TENM2: variants seen among roughly 807,000 people sequenced by gnomAD.
The protein encoded by TENM2 is teneurin-2.
In TENM2, 52 loss-of-function variants were observed where a neutral mutation model predicts 245.2. The observed-to-expected ratio is 0.21, with a 90% CI of 0.17 to 0.27. The LOEUF (loss-of-function observed/expected upper bound fraction) is 0.27, where lower values mean the gene tolerates loss of function less well. Ranked by LOEUF, TENM2 falls within the 10% of genes least tolerant of loss-of-function variation. The pLI, the probability that TENM2 is intolerant of heterozygous loss-of-function variation, is 1.00. For synonymous variants in TENM2, 1,363 were observed against 1,438.9 expected (o/e 0.95, Z 1.19); for missense variants, 3,046 against 3,666.8 (o/e 0.83, Z 4.37).
At chr5:167,069,700 A>G in the TENM2 span, among the ~76,000 whole-genome samples, 1 of 152,230 alleles carries the variant, frequency 6.6e-6, no homozygotes, top group Non-Finnish European at 1.5e-5. Context: ...AAGTGTAAGC[A>G]GTGGTTATCA....
intron 3 of TENM2, among the ~76,000 whole-genome samples, chr5:167,906,877 T>C (rs2151548924): frequency 6.6e-6 from 1 of 152,250 alleles, no homozygotes; most frequent in Non-Finnish European, 1.5e-5. Flanking sequence ...TTTTGAGACC[T>C]GACATAGAAT....
At chr5:168,025,185 G>A (rs559266785) in intron 5 of TENM2, among the ~76,000 whole-genome samples, 7 of 152,290 alleles carry the variant, frequency 4.6e-5, no homozygotes, top group Admixed American at 3.3e-4. Context: ...AAATGTATTG[G>A]GAGGTTCTGT....
At chr5:168,118,958 A>G (rs1165889608) in intron 10 of TENM2, among the ~76,000 whole-genome samples, 1 of 152,198 alleles carries the variant, frequency 6.6e-6, no homozygotes. Flanking sequence ...CCTCCCTTCC[A>G]AACAAAAAGC....
the TENM2 span, among the ~76,000 whole-genome samples, chr5:167,055,518 A>T: frequency 6.6e-6 from 1 of 152,122 alleles, no homozygotes; most frequent in Admixed American, 6.5e-5. Flanking sequence ...TTTTGACAAG[A>T]TTGAGTTTTC....
chr5:167,250,631 C>T, the TENM2 span, among the ~76,000 whole-genome samples: 1 of 152,244 alleles, frequency 6.6e-6, no homozygotes, highest in South Asian at 2.1e-4. Flanking sequence ...CAAACTCTTG[C>T]TCTCTGATGT....
intron 2 of TENM2, among the ~76,000 whole-genome samples, chr5:167,384,749 A>T (rs956661441): frequency 6.6e-6 from 1 of 152,212 alleles, no homozygotes; most frequent in African/African-American, 2.4e-5. Flanking sequence ...GAAAGTAACA[A>T]AGTTAGAAGT....
intron 7 of TENM2, among the ~76,000 whole-genome samples, chr5:168,074,421 T>C (rs758743798): frequency 6.6e-6 from 1 of 152,090 alleles, no homozygotes; most frequent in Non-Finnish European, 1.5e-5. Context: ...AAAAACAGGC[T>C]CTGGTCTCAT....
At chr5:167,220,569 G>T in the TENM2 span, among the ~76,000 whole-genome samples, 1 of 152,110 alleles carries the variant, frequency 6.6e-6, no homozygotes. Context: ...GCTGCAAGGG[G>T]CACCTATGTT....
At chr5:167,249,446 CT>C in the TENM2 span, among the ~76,000 whole-genome samples, 1 of 152,016 alleles carries the variant, frequency 6.6e-6, no homozygotes, top group Non-Finnish European at 1.5e-5. Context: ...TCCTTCTTTC[CT>C]TCCTTCTTTC....
chr5:168,092,097 T>C (rs1220948691), intron 8 of TENM2, among the ~76,000 whole-genome samples: 1 of 152,246 alleles, frequency 6.6e-6, no homozygotes, highest in Admixed American at 6.5e-5. Context: ...ATTGGTCCCA[T>C]GGATTTTCCT....
At chr5:167,684,293 A>G (rs1431763200) in intron 2 of TENM2, among the ~76,000 whole-genome samples, 1 of 152,186 alleles carries the variant, frequency 6.6e-6, no homozygotes, top group Non-Finnish European at 1.5e-5. Context: ...GGGTGAGCAC[A>G]GGGGTAGCCT....
intron 5 of TENM2, among the ~76,000 whole-genome samples, chr5:168,020,620 G>A (rs910205754): frequency 3.3e-5 from 5 of 152,132 alleles, no homozygotes; most frequent in African/African-American, 1.2e-4. Flanking sequence ...TCTTCACCTT[G>A]GGGAGTGTCT....
intron 2 of TENM2, among the ~76,000 whole-genome samples, chr5:167,869,876 A>G (rs1772668009): frequency 6.6e-6 from 1 of 152,232 alleles, no homozygotes; most frequent in South Asian, 2.1e-4. Context: ...AAGGAGAGCA[A>G]TATCCCAGGT....
intron 2 of TENM2, among the ~76,000 whole-genome samples, chr5:167,761,407 C>A (rs1279524027): frequency 3.3e-5 from 5 of 151,864 alleles, no homozygotes; most frequent in African/African-American, 1.2e-4. Context: ...AACGAGGAAA[C>A]AAGTGTCCCA....
chr5:167,000,919 T>C, the TENM2 span, among the ~76,000 whole-genome samples: 67 of 152,212 alleles, frequency 4.4e-4, 1 homozygote, highest in Middle Eastern at 3.4e-3. Context: ...GTTGTTGTAT[T>C]TGGTATGATT....
Position 168,001,972 on chromosome 5 carries a change from T to A in TENM2, c.1186+8790T>A, listed in dbSNP as rs576770090. Among the ~76,000 whole-genome samples, 4 of 152,320 alleles carry A rather than the reference T, an allele frequency of 2.6e-5. No homozygotes were observed. The South Asian group carries it at 8.3e-4, about 32-fold the overall frequency. On this transcript the variant is annotated intron_variant, in intron 5 of 28. Coordinates refer to ENST00000518659, the Ensembl canonical transcript of TENM2. ...ATTAATAAGTAAATATCACACTGTA[T>A]CAGAAAATATAACAGCACTAAGCTA...
the TENM2 span, among the ~76,000 whole-genome samples, chr5:167,152,755 G>A: frequency 2.0e-5 from 3 of 152,100 alleles, no homozygotes; most frequent in Admixed American, 1.3e-4. Flanking sequence ...GTGTGGATTC[G>A]CTGGACAAGA....
In TENM2 at chr5:168,044,243, GT is replaced by G. The variant is rs755379781; in HGVS notation, c.1187-3183del. ...ATCCTGGCTAACACGGTGAAACCCC[GT>G]CTCTACTAAAAATACAAAAACAAAA... On this transcript the variant is annotated intron_variant, in intron 5 of 28. Transcript: ENST00000518659. Among the ~76,000 whole-genome samples, 33 of 152,234 alleles carry G rather than the reference GT, an allele frequency of 2.2e-4. No individual in the cohort carries two copies. In the South Asian group the frequency reaches 6.6e-3, roughly 31 times the overall value.
chr5:167,483,752 A>G (rs1323999464), intron 2 of TENM2, among the ~76,000 whole-genome samples: 1 of 152,226 alleles, frequency 6.6e-6, no homozygotes, highest in East Asian at 1.9e-4. Context: ...CAGAAATATT[A>G]ACTCACCTTA....
Sources: allele counts gnomAD v4.1 joint callset (sites outside exome capture counted in the v4.1 genomes callset), GRCh38; gene constraint gnomAD v4.1.1; transcripts MANE v1.5; gene names NCBI Gene and HGNC (gene_info 2026-07-23, HGNC 2026-07-21).